CLPB: variants seen among roughly 807,000 people sequenced by gnomAD.
CLPB encodes the protein mitochondrial disaggregase.
Under a neutral mutation model 78.4 loss-of-function variants are expected in CLPB, and 40 were observed. That is an observed-to-expected ratio of 0.51 (90% CI 0.40 to 0.66). CLPB has a LOEUF of 0.66. Ranked by LOEUF, CLPB falls within the 30% of genes least tolerant of loss-of-function variation. The pLI, the probability that CLPB is intolerant of heterozygous loss-of-function variation, is 0.00. For missense variants in CLPB, 780 were observed against 886.9 expected (o/e 0.88, Z 1.53); for synonymous variants, 333 against 348.0 (o/e 0.96, Z 0.48).
intron 7 of CLPB, among the ~76,000 whole-genome samples, chr11:72,314,308 G>A (rs924546284): frequency 6.6e-6 from 1 of 152,194 alleles, no homozygotes; most frequent in Non-Finnish European, 1.5e-5. Flanking sequence ...AAGCTGCCGG[G>A]TATGTGCAGG....
chr11:72,373,825 G>A (rs1053668428), intron 4 of CLPB, among the ~76,000 whole-genome samples: 2 of 151,902 alleles, frequency 1.3e-5, no homozygotes, highest in African/African-American at 4.8e-5. Context: ...GCCGGGCGTG[G>A]TGGTGGCGCC....
intron 5 of CLPB, among the ~76,000 whole-genome samples, chr11:72,336,131 G>A (rs77961443): frequency 0.022 from 3,274 of 152,072 alleles, 107 homozygotes; most frequent in African/African-American, 0.075. Context: ...AAGCTCATAA[G>A]CTGAGGGGGT....
chr11:72,359,292 C>A, intron 4 of CLPB: 1 of 551,738 alleles, frequency 1.8e-6, no homozygotes. Flanking sequence ...GGGAGGCAGA[C>A]AATAACCAGA....
At chr11:72,427,961 G>A (rs183239815) in intron 2 of CLPB, among the ~76,000 whole-genome samples, 2 of 152,280 alleles carry the variant, frequency 1.3e-5, no homozygotes, top group Admixed American at 1.3e-4. Context: ...GTACAGAAAG[G>A]CTGAATAAGG....
chr11:72,331,415 A>G (rs1170573321), intron 5 of CLPB, among the ~76,000 whole-genome samples: 2 of 151,692 alleles, frequency 1.3e-5, no homozygotes, highest in Non-Finnish European at 2.9e-5. Flanking sequence ...AAAAAAAAAA[A>G]AAATTTTAAG....
intron 2 of CLPB, among the ~76,000 whole-genome samples, chr11:72,419,351 T>C (rs1386552961): frequency 1.3e-5 from 2 of 152,206 alleles, no homozygotes; most frequent in Non-Finnish European, 2.9e-5. Flanking sequence ...GATTACAGCT[T>C]TGTGGCCTAC....
intron 5 of CLPB, among the ~76,000 whole-genome samples, chr11:72,340,181 G>T (rs1376798670): frequency 6.6e-6 from 1 of 152,174 alleles, no homozygotes; most frequent in African/African-American, 2.4e-5. Flanking sequence ...ACACGGGGAG[G>T]CTAGAAGGCT....
intron 11 of CLPB, among the ~76,000 whole-genome samples, chr11:72,299,328 A>C (rs1183115723): frequency 1.3e-5 from 2 of 152,188 alleles, no homozygotes; most frequent in Admixed American, 1.3e-4. Context: ...TTGTAAAGTG[A>C]AAATTTGACT....
At chr11:72,321,319 G>C (rs1335515714) in intron 6 of CLPB, among the ~76,000 whole-genome samples, 1 of 152,200 alleles carries the variant, frequency 6.6e-6, no homozygotes, top group Non-Finnish European at 1.5e-5. Context: ...ACCCAGGAGA[G>C]CAGGAGTCGG....
In CLPB at chr11:72,336,085, G is replaced by A. The variant is rs148215260; in HGVS notation, c.776-6281C>T. Among the ~76,000 whole-genome samples the A allele has an allele frequency of 1.9e-3, 291 of 151,962 alleles. 2 individuals are homozygous for A. Among genetic ancestry groups the A allele is most frequent in the African/African-American group, 6.5e-3 (268 of 41,446 alleles). On this transcript the variant is annotated intron_variant, in intron 5 of 15. Coordinates refer to ENST00000538039, the MANE Select transcript of CLPB (RefSeq NM_001258392.3). ...GGGAGAGTGCTGAATCCCACCTAGG[G>A]AGGTGGGATTCAGATCTTCTCTGTG...
chr11:72,370,609 C>G (rs1247962527), intron 4 of CLPB, among the ~76,000 whole-genome samples: 2 of 152,176 alleles, frequency 1.3e-5, no homozygotes, highest in Non-Finnish European at 2.9e-5. Flanking sequence ...AGCCAGAGAT[C>G]TGAGCTGACT....
At chr11:72,301,566 T>G (rs573699019) in intron 11 of CLPB, among the ~76,000 whole-genome samples, 1 of 152,304 alleles carries the variant, frequency 6.6e-6, no homozygotes, top group East Asian at 1.9e-4. Context: ...CTCTAGAAGG[T>G]GGGCTGAGCA....
At chr11:72,398,346 C>T (rs780375510) in intron 3 of CLPB, among the ~76,000 whole-genome samples, 10 of 152,222 alleles carry the variant, frequency 6.6e-5, no homozygotes, top group Non-Finnish European at 1.2e-4. Flanking sequence ...TCAAAGTTTG[C>T]ACCACACACG....
At chr11:72,372,773 G>A (rs1951067146) in intron 4 of CLPB, 1 of 677,774 alleles carries the variant, frequency 1.5e-6, no homozygotes, top group Non-Finnish European at 2.6e-6. Flanking sequence ...CTCTCCAAGA[G>A]CATGCATTCT....
chr11:72,428,059 C>T (rs150963530), intron 2 of CLPB, among the ~76,000 whole-genome samples: 103 of 152,194 alleles, frequency 6.8e-4, no homozygotes, highest in Middle Eastern at 3.4e-3. Flanking sequence ...TGGCTCTGTT[C>T]GCAGGAAGAA....
At chr11:72,381,319 A>G (rs973155948) in intron 3 of CLPB, among the ~76,000 whole-genome samples, 12 of 152,120 alleles carry the variant, frequency 7.9e-5, no homozygotes, top group African/African-American at 2.9e-4. Flanking sequence ...GAAGGCTCCC[A>G]AACTCCCGGC....
At chr11:72,343,280 C>T (rs1362175258) in intron 5 of CLPB, among the ~76,000 whole-genome samples, 1 of 152,124 alleles carries the variant, frequency 6.6e-6, no homozygotes, top group Non-Finnish European at 1.5e-5. Context: ...ACACTCACAG[C>T]AACAGAAACC....
In CLPB at chr11:72,288,399, G is replaced by A. The variant is rs1949414377; in HGVS notation, c.*4968C>T. 1 of 152,210 alleles carries A rather than the reference G, an allele frequency of 6.6e-6. No homozygotes were observed. Among genetic ancestry groups the A allele is most frequent in the African/African-American group, 2.4e-5 (1 of 41,428 alleles). The allele number at this position is 152,210 out of a possible 1,614,324, so 9.4% of individuals were successfully genotyped here. On this transcript the variant is annotated 3_prime_UTR_variant, in exon 16 of 16. Coordinates refer to ENST00000538039, the MANE Select transcript of CLPB (RefSeq NM_001258392.3). ...CCAGCTACTGAGGAGGCTGAGGCAT[G>A]AGACCTGCTTGAACTGGAGGTGGAG...
At chr11:72,405,239 GATC>G (rs1415668181) in intron 2 of CLPB, among the ~76,000 whole-genome samples, 1 of 152,206 alleles carries the variant, frequency 6.6e-6, no homozygotes, top group Non-Finnish European at 1.5e-5. Flanking sequence ...AACATTCAGA[GATC>G]ATTAGGCAGC....
Sources: allele counts gnomAD v4.1 joint callset (sites outside exome capture counted in the v4.1 genomes callset), GRCh38; gene constraint gnomAD v4.1.1; transcripts MANE v1.5; gene names NCBI Gene and HGNC (gene_info 2026-07-23, HGNC 2026-07-21).